Variants in COMT observed in about 807,000 individuals in gnomAD.
COMT encodes catechol O-methyltransferase.
A neutral mutation model predicts 18.9 loss-of-function variants in COMT; 13 were observed. The observed-to-expected ratio is 0.69, with a 90% CI of 0.45 to 1.09. COMT has a LOEUF of 1.09. Ranked by LOEUF, COMT falls within the 50% of genes least tolerant of loss-of-function variation. The pLI, the probability that COMT is intolerant of heterozygous loss-of-function variation, is 0.00. For synonymous variants in COMT, 150 were observed against 160.9 expected, an observed-to-expected ratio of 0.93 and a Z score of 0.51; for missense variants, 329 against 361.8, an observed-to-expected ratio of 0.91 and a Z score of 0.73.
chr22:19,961,518 G>T (rs1942192192), intron 2 of COMT, among the ~76,000 whole-genome samples: 1 of 152,164 alleles, frequency 6.6e-6, no homozygotes, highest in Non-Finnish European at 1.5e-5. Context: ...GGCCTCCAGG[G>T]GTGTCCCCTC....
intron 1 of COMT, chr22:19,951,038 C>T (rs1263923904): frequency 6.6e-6 from 1 of 152,232 alleles, no homozygotes; most frequent in Non-Finnish European, 1.5e-5. Context: ...GGAAGAAGAA[C>T]TTCCAGCCCA....
intron 1 of COMT, among the ~76,000 whole-genome samples, chr22:19,959,542 C>T (rs927179512): frequency 8.0e-5 from 12 of 150,236 alleles, no homozygotes; most frequent in African/African-American, 2.9e-4. Flanking sequence ...CCCTACGGGG[C>T]TGGGGCGGGG....
At chr22:19,953,659 G>A (rs1941997311) in intron 1 of COMT, among the ~76,000 whole-genome samples, 1 of 152,178 alleles carries the variant, frequency 6.6e-6, no homozygotes, top group African/African-American at 2.4e-5. Flanking sequence ...AGGCTCCCGG[G>A]CTCAGTCCAG....
rs929949899 is a variant in COMT at position 19,969,867 on chromosome 22, G to T, written c.*1131G>T. On this transcript the variant is annotated 3_prime_UTR_variant, in exon 6 of 6. Transcript: ENST00000361682. ...CACAAGGGAGAAGCCAGCCACTTGT[G>T]CCAGACCTGAGTGGCAGAAAGCAAA... 2.6e-5 allele frequency: 26 copies of T among 985,326 alleles called. No homozygotes were observed. The highest frequency in any genetic ancestry group is 3.1e-5 in the Non-Finnish European group (26 of 829,930). The allele number at this position is 985,326 out of a possible 1,614,324, so 61.0% of individuals were successfully genotyped here.
In COMT at chr22:19,962,540, C is replaced by T. The variant is rs1160435070; in HGVS notation, c.14C>T (p.Pro5Leu). The T allele has an allele frequency of 8.4e-6, 13 of 1,553,134 alleles. No individual in the cohort carries two copies. Among genetic ancestry groups the T allele is most frequent in the South Asian group, 2.4e-5 (2 of 84,622 alleles). ...CCCGCCCTGCAGATGCCGGAGGCCC[C>T]GCCTCTGCTGTTGGCAGCTGTGTTG... MPEAPPLLLAAVLLG... is the reference protein window; with the variant it reads MPEALPLLLAAVLLG... The change falls in exon 3 of 6, where the codon CCG (proline) becomes CTG (leucine). Residue 5 changes from proline to leucine, a missense_variant. Pro to Leu is a moderately conservative substitution (Grantham distance 98). Transcript: ENST00000361682.
intron 1 of COMT, among the ~76,000 whole-genome samples, chr22:19,954,263 C>G (rs1942013345): frequency 6.6e-6 from 1 of 150,556 alleles, no homozygotes; most frequent in Admixed American, 6.6e-5. Context: ...CCTGGCCCCA[C>G]TGAGGATACC....
rs1273594681 is a variant in COMT at position 19,942,101 on chromosome 22, G to C, written c.-92+204G>C. ...GACCTTGGGTGGGGATCTTTGGACC[G>C]GGGTGGGGTCCCCAGACTCCTTGTG... On this transcript the variant is annotated intron_variant, in intron 1 of 5. Transcript: ENST00000361682. 2.7e-5 allele frequency: 9 copies of C among 338,952 alleles called. No homozygotes were observed. The South Asian group carries it at 6.0e-4, about 22-fold the overall frequency. The allele number at this position is 338,952 out of a possible 1,614,324, so 21.0% of individuals were successfully genotyped here.
chr22:19,964,261 TGGAAGGACC>T lies in COMT; in HGVS notation c.580_588del (p.Lys194_Arg196del), dbSNP rs1177414139. 1 of 1,614,058 alleles carries T rather than the reference TGGAAGGACC, an allele frequency of 6.2e-7. No individual in the cohort carries two copies. The highest frequency in any genetic ancestry group is 1.7e-5 in the Admixed American group (1 of 60,022). ...ACTGGACATGGTCTTCCTCGACCACTGGAAGGACCGGTACCTGCCGGACACGCTTCTCTT... is the reference window on the plus strand; with the variant it reads ...ACTGGACATGGTCTTCCTCGACCACTGGTACCTGCCGGACACGCTTCTCTT... On this transcript the variant is annotated inframe_deletion, in exon 5 of 6. Transcript: ENST00000361682.
At chr22:19,950,495 G>C (rs919890458) in intron 1 of COMT, among the ~76,000 whole-genome samples, 1 of 152,100 alleles carries the variant, frequency 6.6e-6, no homozygotes, top group East Asian at 1.9e-4. Context: ...AGACCTTTAC[G>C]ACTTGTTTTG....
chr22:19,942,485 A>G (rs1417061535), intron 1 of COMT, among the ~76,000 whole-genome samples: 2 of 152,096 alleles, frequency 1.3e-5, no homozygotes. Flanking sequence ...AGGACTCCCC[A>G]GGGTCGGGGG....
chr22:19,963,212 C>T, intron 3 of COMT: 1 of 490,404 alleles, frequency 2.0e-6, no homozygotes, highest in Non-Finnish European at 3.7e-6. Context: ...ACTAGTGCCG[C>T]CCCAGGGCCC....
intron 1 of COMT, among the ~76,000 whole-genome samples, chr22:19,951,338 G>A (rs1426620273): frequency 2.6e-5 from 3 of 113,720 alleles, no homozygotes; most frequent in Non-Finnish European, 3.4e-5. Context: ...CAGCCTGGGC[G>A]ACAGAGCAAG....
At chr22:19,963,399 G>A (rs1180599158) in intron 3 of COMT, 167 bp from the exon 4 acceptor site, 1 of 761,192 alleles carries the variant, frequency 1.3e-6, no homozygotes, top group Non-Finnish European at 2.2e-6. Context: ...CACCAGGGAG[G>A]TGAAATACCC....
intron 1 of COMT, among the ~76,000 whole-genome samples, chr22:19,952,504 G>C (rs174692): frequency 0.51 from 77,442 of 151,862 alleles, 20,586 homozygotes; most frequent in African/African-American, 0.66. Flanking sequence ...GCCGGGCGTG[G>C]TGGCGGGCGC....
intron 1 of COMT, among the ~76,000 whole-genome samples, chr22:19,959,336 G>T (rs1163145888): frequency 2.0e-5 from 3 of 152,272 alleles, no homozygotes; most frequent in Non-Finnish European, 2.9e-5. Flanking sequence ...AAACTGGGCA[G>T]TGGCCGGTGA....
intron 1 of COMT, among the ~76,000 whole-genome samples, chr22:19,947,347 T>C (rs181006572): frequency 1.3e-5 from 2 of 151,998 alleles, no homozygotes; most frequent in African/African-American, 4.8e-5. Flanking sequence ...GACAAAGAGA[T>C]AGAAGAAAAG....
intron 1 of COMT, among the ~76,000 whole-genome samples, chr22:19,951,883 G>T (rs572699131): frequency 1.3e-5 from 2 of 152,344 alleles, no homozygotes; most frequent in African/African-American, 2.4e-5. Context: ...TCCCACAGAG[G>T]CTGGGAGACA....
Position 19,964,093 on chromosome 22 carries a change from C to A in COMT, c.484-75C>A, listed in dbSNP as rs745747865. ...CTGTCTGTGTGGGCGTGGGCACTGA[C>A]AGGCGCTGTTGTATAGGTGTGTAGG... On this transcript the variant is annotated intron_variant, in intron 4 of 5. Transcript: ENST00000361682. 1.9e-6 allele frequency: 3 copies of A among 1,613,040 alleles called. No individual in the cohort carries two copies. The Middle Eastern group carries it at 5.0e-4, about 266-fold the overall frequency.
chr22:19,952,190 C>T (rs748057296), intron 1 of COMT, among the ~76,000 whole-genome samples: 1 of 152,190 alleles, frequency 6.6e-6, no homozygotes, highest in Non-Finnish European at 1.5e-5. Context: ...CTGTGTAGTC[C>T]CAGTTACTCA....
Sources: allele counts gnomAD v4.1 joint callset (sites outside exome capture counted in the v4.1 genomes callset), GRCh38; gene constraint gnomAD v4.1.1; transcripts MANE v1.5; gene names NCBI Gene and HGNC (gene_info 2026-07-23, HGNC 2026-07-21).